The following CCDC50 variants were observed in gnomAD, a reference collection of about 807,000 sequenced individuals.
The protein encoded by CCDC50 is coiled-coil domain-containing protein 50.
CCDC50 carries 54 observed loss-of-function variants against 70.2 expected under a neutral mutation model. That is an observed-to-expected ratio of 0.77 (90% confidence interval 0.62 to 0.96). The LOEUF (loss-of-function observed/expected upper bound fraction) is 0.96. Ranked by LOEUF, CCDC50 falls within the 50% of genes least tolerant of loss-of-function variation. CCDC50 has a pLI of 0.00. For synonymous variants in CCDC50, 216 were observed against 198.8 expected (o/e 1.09, Z -0.73); for missense variants, 558 against 578.7 (o/e 0.96, Z 0.37).
intron 9 of CCDC50, among the ~76,000 whole-genome samples, chr3:191,381,726 A>G (rs1018067492): frequency 2.0e-5 from 3 of 152,106 alleles, no homozygotes; most frequent in African/African-American, 7.2e-5. Flanking sequence ...AATTCGTACA[A>G]TACAGGGTTT....
At chr3:191,355,939 G>A (rs977940604) in intron 1 of CCDC50, among the ~76,000 whole-genome samples, 2 of 152,130 alleles carry the variant, frequency 1.3e-5, no homozygotes, top group African/African-American at 4.8e-5. Flanking sequence ...AACTAATGTT[G>A]AGTGTATATG....
At position 191,375,601 on chromosome 3, in the gene CCDC50, C is replaced by T. The variant is rs1713084416; in HGVS notation, c.976+12C>T. ...CCTCCATGACGCAGGTAATAGAGGA[C>T]AGTCTCGATGGAAGTCCTGGTATCA... On this transcript the variant is annotated intron_variant, in intron 6 of 11. Coordinates refer to ENST00000392455, the MANE Select transcript of CCDC50 (RefSeq NM_178335.3). 1.2e-6 allele frequency: 2 copies of T among 1,611,088 alleles called. No individual in the cohort carries two copies. Among genetic ancestry groups the T allele is most frequent in the Non-Finnish European group, 8.5e-7 (1 of 1,178,698 alleles).
At chr3:191,385,737 G>A (rs144001113) in intron 10 of CCDC50, among the ~76,000 whole-genome samples, 1 of 152,006 alleles carries the variant, frequency 6.6e-6, no homozygotes, top group Non-Finnish European at 1.5e-5. Context: ...GGCCAGTGTT[G>A]AGAATAGTCT....
At chr3:191,382,952 G>A (rs1560171288) in intron 10 of CCDC50, 127 bp downstream of exon 10, 1 of 690,516 alleles carries the variant, frequency 1.4e-6, no homozygotes, top group Non-Finnish European at 2.6e-6. Flanking sequence ...GTAAGGTAGT[G>A]TCAAGACATT....
At chr3:191,378,344 A>G (rs965834028) in intron 6 of CCDC50, among the ~76,000 whole-genome samples, 4 of 152,160 alleles carry the variant, frequency 2.6e-5, no homozygotes, top group African/African-American at 7.2e-5. Context: ...ATTTAAAACA[A>G]TGTGTCTTTA....
rs755740569 is a variant in CCDC50 at position 191,369,928 on chromosome 3, C to A, written c.340C>A (p.Arg114Ser). 1.2e-6 allele frequency: 2 copies of A among 1,611,250 alleles called. No homozygotes were observed. The highest frequency in any genetic ancestry group is 2.2e-5 in the South Asian group (2 of 90,950). The change falls in exon 5 of 12, where the codon CGC becomes AGC. Residue 114 changes from arginine to serine, a missense_variant. Physicochemically the swap from Arg to Ser is moderately radical, Grantham distance 110. Transcript: ENST00000392455. ...IQEKKDEDIA[R>S]LLQEKELQEE... is the part of the protein sequence containing the mutation. ...CCTCTTGTCTTTGCAGGACATAGCT[C>A]GCCTTTTGCAAGAAAAGGAGTTACA...
Position 191,389,481 on chromosome 3 carries a change from C to G in CCDC50, c.1323-15C>G. 1 of 1,604,640 alleles carries G rather than the reference C, an allele frequency of 6.2e-7. No homozygotes were observed. Reference sequence around the variant, plus strand: ...GTTACTTAGAATGCCCCTTTAAATTCTGGATTCCTTTTAGGCCACCACCAC... The same window carrying G: ...GTTACTTAGAATGCCCCTTTAAATTGTGGATTCCTTTTAGGCCACCACCAC... On this transcript the variant is annotated splice_polypyrimidine_tract_variant and intron_variant, in intron 10 of 11. Coordinates refer to ENST00000392455, the MANE Select transcript of CCDC50 (RefSeq NM_178335.3).
chr3:191,357,408 C>T (rs1712328518), intron 2 of CCDC50, among the ~76,000 whole-genome samples: 1 of 152,106 alleles, frequency 6.6e-6, no homozygotes, highest in Non-Finnish European at 1.5e-5. Flanking sequence ...TTTTTCCTAG[C>T]CTCTTGTTGT....
chr3:191,343,528 T>A (rs1045010210), intron 1 of CCDC50, among the ~76,000 whole-genome samples: 1 of 152,246 alleles, frequency 6.6e-6, no homozygotes, highest in Non-Finnish European at 1.5e-5. Context: ...AACTGAACAA[T>A]TTAAAAACAG....
In CCDC50 at chr3:191,389,503, C is replaced by A. The variant is rs1169213264; in HGVS notation, c.1330C>A (p.Pro444Thr). 2 of 1,613,792 alleles carry A rather than the reference C, an allele frequency of 1.2e-6. No homozygotes were observed. Among genetic ancestry groups the A allele is most frequent in the South Asian group, 2.2e-5 (2 of 91,080 alleles). Reference protein sequence around the residue: ...SKNERPARPPPPIMTDGEDAD... With the variant: ...SKNERPARPPTPIMTDGEDAD... The stretch of plus-strand genomic sequence containing the variant: ...ATTCTGGATTCCTTTTAGGCCACCA[C>A]CACCTATCATGACAGATGGTGAAGA... Residue 444 changes from proline to threonine, a missense_variant, in exon 11 of 12, where the codon CCA (proline) becomes ACA (threonine). Transcript: ENST00000392455.
rs1323701284 is a variant in CCDC50, at chr3:191,397,343, C to A, written c.*5583C>A. 6.6e-6 allele frequency: 1 copy of A among 152,152 alleles called. No homozygotes were observed. The highest frequency in any genetic ancestry group is 2.4e-5 in the African/African-American group (1 of 41,436). The allele number at this position is 152,152 out of a possible 1,614,324, so 9.4% of individuals were successfully genotyped here. ...TTCTGGTCAAATTGGTCTTGGAAAT[C>A]CCTATGGTCTCTAATTTCAGCTCTT... On this transcript the variant is annotated 3_prime_UTR_variant, in exon 12 of 12. Transcript: ENST00000392455.
chr3:191,377,491 T>C (rs1713157094), intron 6 of CCDC50, among the ~76,000 whole-genome samples: 4 of 152,172 alleles, frequency 2.6e-5, no homozygotes, highest in Admixed American at 2.6e-4. Flanking sequence ...TCGGAGTTAC[T>C]TCTCTATTGG....
At chr3:191,383,182 C>T (rs1008998734) in intron 10 of CCDC50, among the ~76,000 whole-genome samples, 1 of 152,054 alleles carries the variant, frequency 6.6e-6, no homozygotes, top group Non-Finnish European at 1.5e-5. Flanking sequence ...GGTTTCATAG[C>T]CACACTGATG....
intron 4 of CCDC50, among the ~76,000 whole-genome samples, chr3:191,362,158 T>C (rs990701288): frequency 2.6e-5 from 4 of 152,216 alleles, no homozygotes; most frequent in African/African-American, 7.2e-5. Context: ...GACAGTGTTT[T>C]GCTCCATCAC....
Position 191,380,130 on chromosome 3 carries a change from T to G in CCDC50, c.977-29T>G, listed in dbSNP as rs780659012. ...TCAGAAAACATCCTCGGTTGTTTTATTACATTGAGTTTTTTTTTTTTTTTA... is the reference window on the plus strand; with the variant it reads ...TCAGAAAACATCCTCGGTTGTTTTAGTACATTGAGTTTTTTTTTTTTTTTA... On this transcript the variant is annotated intron_variant, in intron 6 of 11. Coordinates refer to ENST00000392455, the MANE Select transcript of CCDC50 (RefSeq NM_178335.3). 30 of 1,325,656 alleles carry G rather than the reference T, an allele frequency of 2.3e-5. No individual in the cohort carries two copies. The South Asian group carries it at 3.7e-4, about 16-fold the overall frequency. 82.1% of individuals were successfully genotyped at this position (1,325,656 alleles called of 1,614,324 possible). A position where few individuals can be genotyped will look rare whatever the true frequency, so the allele number is the denominator to read the frequency against.
intron 1 of CCDC50, among the ~76,000 whole-genome samples, chr3:191,338,181 GT>G (rs370217890): frequency 7.2e-5 from 11 of 152,264 alleles, no homozygotes; most frequent in African/African-American, 2.4e-4. Flanking sequence ...AACAAATTCT[GT>G]TTTGTTTATT....
intron 6 of CCDC50, among the ~76,000 whole-genome samples, chr3:191,377,413 G>C (rs1366637090): frequency 6.6e-6 from 1 of 151,998 alleles, no homozygotes; most frequent in African/African-American, 2.4e-5. Context: ...CAGTTGAAAG[G>C]GACTGCAAAA....
At chr3:191,340,580 A>G (rs1445882936) in intron 1 of CCDC50, among the ~76,000 whole-genome samples, 1 of 152,200 alleles carries the variant, frequency 6.6e-6, no homozygotes, top group East Asian at 1.9e-4. Context: ...CTTCTGTCTC[A>G]GTAAACTATA....
intron 5 of CCDC50, among the ~76,000 whole-genome samples, chr3:191,372,181 A>G (rs182504065): frequency 1.6e-3 from 250 of 152,318 alleles, no homozygotes; most frequent in Admixed American, 3.7e-3. Context: ...AGGGACACAT[A>G]AAAGCTTTTA....
Sources: allele counts gnomAD v4.1 joint callset (sites outside exome capture counted in the v4.1 genomes callset), GRCh38; gene constraint gnomAD v4.1.1; transcripts MANE v1.5; gene names NCBI Gene and HGNC (gene_info 2026-07-23, HGNC 2026-07-21).